Variants in NPIPB7 observed in about 807,000 individuals in gnomAD.
NPIPB7 encodes the protein nuclear pore complex interacting protein family member B7, also known as nuclear pore complex-interacting protein family member B7.
For missense variants in NPIPB7, 14 were observed against 238.5 expected (o/e 0.06, Z 6.20); for synonymous variants, 9 against 88.1 (o/e 0.10, Z 5.03).
intron 1 of NPIPB7, among the ~76,000 whole-genome samples, chr16:28,468,528 G>A (rs1378731891): frequency 6.9e-6 from 1 of 144,682 alleles, no homozygotes; most frequent in African/African-American, 2.5e-5. Flanking sequence ...AACAAGGTGG[G>A]CCGGGTGTGG....
intron 1 of NPIPB7, among the ~76,000 whole-genome samples, chr16:28,467,556 A>ATT (rs1270182923): frequency 7.3e-6 from 1 of 137,560 alleles, no homozygotes; most frequent in African/African-American, 2.7e-5. Flanking sequence ...GTGCCCAGCC[A>ATT]TTTTTTTTTG....
At chr16:28,468,696 A>G (rs1477479450) in intron 1 of NPIPB7, among the ~76,000 whole-genome samples, 1 of 141,020 alleles carries the variant, frequency 7.1e-6, no homozygotes, top group African/African-American at 2.5e-5. Flanking sequence ...AGTTCCAGCT[A>G]CTTGGGAGGC....
chr16:28,467,288 CCACT>C, intron 1 of NPIPB7, among the ~76,000 whole-genome samples: 1 of 98,044 alleles, frequency 1.0e-5, no homozygotes, highest in African/African-American at 3.3e-5. Context: ...GAGTTCCGCT[CCACT>C]CAGTCGCCCA....
At chr16:28,470,896 ACCTTCTTCGGT>A (rs2045946130), upstream of NPIPB7, among the ~76,000 whole-genome samples, 2 of 112,502 alleles carry the variant, frequency 1.8e-5, no homozygotes, top group Admixed American at 1.9e-4. Flanking sequence ...TATCCGCCAA[ACCTTCTTCGGT>A]CTGGGCCCTC....
At chr16:28,461,906 C>T (rs937774954) in intron 4 of NPIPB7, among the ~76,000 whole-genome samples, 1 of 141,168 alleles carries the variant, frequency 7.1e-6, no homozygotes, top group African/African-American at 2.7e-5. Flanking sequence ...CAAGATCATG[C>T]CACTGCACTC....
At chr16:28,472,330 G>A (rs562113433), upstream of NPIPB7, among the ~76,000 whole-genome samples, 17 of 151,552 alleles carry the variant, frequency 1.1e-4, 1 homozygote, top group East Asian at 1.6e-3. Context: ...TCAAGGTTAC[G>A]GTGAGCTATG....
At chr16:28,469,534 G>T (rs1274267074) in intron 1 of NPIPB7, among the ~76,000 whole-genome samples, 1 of 148,670 alleles carries the variant, frequency 6.7e-6, no homozygotes, top group Non-Finnish European at 1.5e-5. Flanking sequence ...GGAAGCAGAG[G>T]TTGCGGTGAG....
At chr16:28,465,419 A>G (rs1596612360) in intron 2 of NPIPB7, among the ~76,000 whole-genome samples, 3 of 80,260 alleles carry the variant, frequency 3.7e-5, no homozygotes, top group Non-Finnish European at 4.9e-5. Flanking sequence ...CAGGAGGTGG[A>G]GGTTGCAGTG....
At chr16:28,468,290 C>A (rs1450802004) in intron 1 of NPIPB7, among the ~76,000 whole-genome samples, 2 of 91,870 alleles carry the variant, frequency 2.2e-5, no homozygotes, top group African/African-American at 9.7e-5. Flanking sequence ...CTGCACCTGG[C>A]CAGTAGTTAT....
At chr16:28,471,317 C>CG, upstream of NPIPB7, 1 of 741,336 alleles carries the variant, frequency 1.3e-6, no homozygotes, top group Non-Finnish European at 2.1e-6. Context: ...CGGAAGGTCC[C>CG]GATAGTAAAC....
chr16:28,463,727 CAAAAAAAAAAAAA>C (rs1199745082), intron 2 of NPIPB7, among the ~76,000 whole-genome samples: 11 of 15,066 alleles, frequency 7.3e-4, no homozygotes, highest in Admixed American at 2.5e-3. Flanking sequence ...AACTCTGTCT[CAAAAAAAAAAAAA>C]AAAAAAAAAA....
chr16:28,472,160 C>T (rs970786113), upstream of NPIPB7, among the ~76,000 whole-genome samples: 1 of 152,208 alleles, frequency 6.6e-6, no homozygotes, highest in African/African-American at 2.4e-5. Context: ...CGCCTGTAAT[C>T]CCAGTATCTC....
At chr16:28,470,613 G>A (rs1217445899), upstream of NPIPB7, 13 of 60,750 alleles carry the variant, frequency 2.1e-4, no homozygotes, top group Non-Finnish European at 3.4e-4. Context: ...AGGGGAAGGG[G>A]AGGGGAAGGG....
In NPIPB7 at chr16:28,469,945, C is replaced by T. The variant is rs1269607345; in HGVS notation, c.66+428G>A. The T allele has an allele frequency of 3.4e-4, 99 of 291,200 alleles. 1 individual carries two copies. Among genetic ancestry groups the T allele is most frequent in the African/African-American group, 2.3e-3 (96 of 42,392 alleles). The allele number at this position is 291,200 out of a possible 1,614,324, so 18.0% of individuals were successfully genotyped here. A position where few individuals can be genotyped will look rare whatever the true frequency, so the allele number is the denominator to read the frequency against. On this transcript the variant is annotated intron_variant, in intron 1 of 6. Coordinates refer to ENST00000452313, the Ensembl canonical transcript of NPIPB7. ...CGAGATCTTGCCACTGCACTCCAGC[C>T]TGGGCGACAGAGTGAGACTCTGTCT... is the stretch of plus-strand genomic sequence containing the variant.
upstream of NPIPB7, chr16:28,470,638 G>A: frequency 6.7e-6 from 1 of 148,638 alleles, no homozygotes; most frequent in Non-Finnish European, 1.3e-5. Context: ...GGAGGGGGAG[G>A]GGAAGGGGAG....
upstream of NPIPB7, among the ~76,000 whole-genome samples, chr16:28,470,750 C>G (rs1442020052): frequency 6.6e-6 from 1 of 150,580 alleles, no homozygotes; most frequent in East Asian, 2.0e-4. Context: ...GGAAAGGATC[C>G]GGTTCAAATT....
chr16:28,468,455 A>T (rs1176792718), intron 1 of NPIPB7, among the ~76,000 whole-genome samples: 9 of 150,588 alleles, frequency 6.0e-5, no homozygotes, highest in Non-Finnish European at 1.2e-4. Flanking sequence ...AGTAAAAAAA[A>T]AAAATACAAT....
intron 2 of NPIPB7, among the ~76,000 whole-genome samples, chr16:28,463,726 T>A (rs1596611803): frequency 4.2e-4 from 8 of 18,946 alleles, no homozygotes; most frequent in Admixed American, 2.9e-3. Flanking sequence ...AAACTCTGTC[T>A]CAAAAAAAAA....
chr16:28,472,024 C>T (rs568468875), upstream of NPIPB7, among the ~76,000 whole-genome samples: 27 of 151,736 alleles, frequency 1.8e-4, no homozygotes, highest in South Asian at 4.4e-3. Context: ...AGCGAGACTC[C>T]GTCTCCAAAA....
Sources: allele counts gnomAD v4.1 joint callset (sites outside exome capture counted in the v4.1 genomes callset), GRCh38; gene constraint gnomAD v4.1.1; transcripts MANE v1.5; gene names NCBI Gene and HGNC (gene_info 2026-07-23, HGNC 2026-07-21).